Variants in CATSPERE observed in about 807,000 individuals in gnomAD.
CATSPERE encodes catsper channel auxiliary subunit epsilon, also known as cation channel sperm-associated auxiliary subunit epsilon.
In CATSPERE, 93 loss-of-function variants were observed where a neutral mutation model predicts 114.1. That is an observed-to-expected ratio of 0.81 (90% CI 0.69 to 0.97). The LOEUF is 0.97. CATSPERE is among the 50% of genes least tolerant of loss of function. CATSPERE has a pLI of 0.00. For missense variants in CATSPERE, 1,058 were observed against 1,131.6 expected, an observed-to-expected ratio of 0.93 and a Z score of 0.93; for synonymous variants, 341 against 384.1, an observed-to-expected ratio of 0.89 and a Z score of 1.31.
At chr1:244,453,035 G>A (rs1420931035), upstream of CATSPERE, among the ~76,000 whole-genome samples, 2 of 152,134 alleles carry the variant, frequency 1.3e-5, no homozygotes, top group Non-Finnish European at 2.9e-5. Flanking sequence ...TTTATTTCTA[G>A]TCAATGAGTT....
chr1:244,529,893 C>T (rs1679317194), intron 8 of CATSPERE, among the ~76,000 whole-genome samples: 1 of 151,994 alleles, frequency 6.6e-6, no homozygotes, highest in African/African-American at 2.4e-5. Context: ...TTGTATATGG[C>T]AAGAGATAGG....
At chr1:244,490,972 G>C (rs1044876485) in intron 6 of CATSPERE, among the ~76,000 whole-genome samples, 4 of 152,068 alleles carry the variant, frequency 2.6e-5, no homozygotes, top group Admixed American at 6.6e-5. Flanking sequence ...CAAAAGCCTT[G>C]TAGGATTCTT....
In CATSPERE at chr1:244,498,314, A is replaced by G. The variant is rs891430583; in HGVS notation, c.352-688A>G. Among the ~76,000 whole-genome samples the G allele has an allele frequency of 2.0e-5, 3 of 152,230 alleles. No individual in the cohort carries two copies. The South Asian group carries it at 6.2e-4, about 31-fold the overall frequency. On this transcript the variant is annotated intron_variant, in intron 6 of 21. Transcript: ENST00000366534. ...AAAATAATATATCTATTGGTTATAC[A>G]CAAACATTTTATAGGAATCTAAGCA...
At chr1:244,513,038 T>G (rs916926928) in intron 7 of CATSPERE, among the ~76,000 whole-genome samples, 1 of 152,208 alleles carries the variant, frequency 6.6e-6, no homozygotes, top group African/African-American at 2.4e-5. Context: ...GTAGCAGGTC[T>G]GGGTAGACCA....
intron 5 of CATSPERE, among the ~76,000 whole-genome samples, chr1:244,482,146 C>CT (rs1015083411): frequency 6.6e-6 from 1 of 152,152 alleles, no homozygotes; most frequent in Non-Finnish European, 1.5e-5. Context: ...AATTTTCAGT[C>CT]TGTCACCTGT....
intron 7 of CATSPERE, among the ~76,000 whole-genome samples, chr1:244,501,646 AGTAT>A (rs1241661089): frequency 3.9e-5 from 6 of 152,250 alleles, no homozygotes; most frequent in African/African-American, 7.2e-5. Flanking sequence ...AAACACTTTA[AGTAT>A]GATATTGACT....
Position 244,593,512 on chromosome 1 carries a change from T to C in CATSPERE, c.2237T>C (p.Ile746Thr), listed in dbSNP as rs1667992790. The change falls in exon 17 of 22, where the codon ATT (isoleucine) becomes ACT (threonine). Residue 746 changes from isoleucine (I) to threonine (T), a missense_variant. This residue lies in a region of CATSPERE where 787 missense variants were observed against 905.6 expected (regional missense o/e 0.87). Coordinates refer to ENST00000366534, the MANE Select transcript of CATSPERE (RefSeq NM_001130957.2). ...TTCCTTTTCTAGAGAGTAAGGTATA[T>C]TTGGGGAGAATATGGCTGCCCTCTG... ...QPSKNLRVRY[I>T]WGEYGCPLRL... 6.2e-7 allele frequency: 1 copy of C among 1,613,968 alleles called. No homozygotes were observed. Among genetic ancestry groups the C allele is most frequent in the African/African-American group, 1.3e-5 (1 of 74,930 alleles).
At chr1:244,533,603 A>T (rs1558445924) in intron 8 of CATSPERE, among the ~76,000 whole-genome samples, 1 of 152,244 alleles carries the variant, frequency 6.6e-6, no homozygotes, top group East Asian at 1.9e-4. Flanking sequence ...GACAACACTG[A>T]TTGCCTAAAC....
At chr1:244,457,911 G>A (rs957859794), upstream of CATSPERE, among the ~76,000 whole-genome samples, 2 of 152,100 alleles carry the variant, frequency 1.3e-5, no homozygotes, top group African/African-American at 4.8e-5. Flanking sequence ...CCAAAATTAT[G>A]TAAAACTGCT....
At chr1:244,617,440 A>G in intron 19 of CATSPERE, 89 bp from the exon 20 acceptor site, 1 of 1,055,276 alleles carries the variant, frequency 9.5e-7, no homozygotes, top group Non-Finnish European at 1.3e-6. Context: ...TTACATCTCT[A>G]AATAATTTTC....
At position 244,621,102 on chromosome 1, in the gene CATSPERE, AT is replaced by A. The variant is rs1301870683; in HGVS notation, c.2648+3417del. ...ATATATAAATATATATAAAATATAT[AT>A]AAATATATATATAATATATATATAA... is the stretch of plus-strand genomic sequence containing the variant. On this transcript the variant is annotated intron_variant, in intron 20 of 21. Coordinates refer to ENST00000366534, the MANE Select transcript of CATSPERE (RefSeq NM_001130957.2). 4.9e-3 allele frequency among the ~76,000 whole-genome samples: 326 copies of A among 66,826 alleles called. 7 individuals are homozygous for A. Among genetic ancestry groups the A allele is most frequent in the African/African-American group, 0.018 (304 of 16,984 alleles). The allele number at this position is 66,826 out of a possible 152,430, so 43.8% of individuals were successfully genotyped here.
chr1:244,565,374 G>C (rs1053822818), intron 10 of CATSPERE, among the ~76,000 whole-genome samples: 3 of 152,074 alleles, frequency 2.0e-5, no homozygotes, highest in Non-Finnish European at 4.4e-5. Context: ...AATCTGTCTG[G>C]TCCTTGGCTT....
intron 13 of CATSPERE, among the ~76,000 whole-genome samples, chr1:244,585,502 A>G (rs1666902339): frequency 6.6e-6 from 1 of 152,088 alleles, no homozygotes. Context: ...CAGGTCCTCT[A>G]CTCAGCCAAG....
rs1473960034 is a variant in CATSPERE at position 244,539,714 on chromosome 1, G to A, written c.537-12608G>A. The stretch of plus-strand genomic sequence containing the variant: ...GGTTTAGTCTTGGGAGAGTGTATGT[G>A]TCGAGGAATTTATCCATTTCTTCTA... On this transcript the variant is annotated intron_variant, in intron 8 of 21. Transcript: ENST00000366534. 3.0e-4 allele frequency among the ~76,000 whole-genome samples: 38 copies of A among 125,008 alleles called. 1 individual carries two copies. The highest frequency in any genetic ancestry group is 9.6e-4 in the African/African-American group (33 of 34,400). The allele number at this position is 125,008 out of a possible 152,430, so 82.0% of individuals were successfully genotyped here.
intron 20 of CATSPERE, among the ~76,000 whole-genome samples, chr1:244,623,736 C>T (rs1672701984): frequency 6.6e-6 from 1 of 152,168 alleles, no homozygotes; most frequent in Admixed American, 6.5e-5. Context: ...GCATACAAAA[C>T]TTATGTTTAC....
intron 10 of CATSPERE, among the ~76,000 whole-genome samples, chr1:244,565,076 C>T (rs929100599): frequency 6.6e-6 from 1 of 152,154 alleles, no homozygotes; most frequent in African/African-American, 2.4e-5. Flanking sequence ...ATTGAACCAG[C>T]CTTGCATCCC....
intron 8 of CATSPERE, among the ~76,000 whole-genome samples, chr1:244,542,060 T>G (rs1658874442): frequency 2.1e-5 from 3 of 141,064 alleles, no homozygotes; most frequent in Admixed American, 7.2e-5. Context: ...TAATGCTAGG[T>G]GATGAGTTAA....
rs748561517 is a variant in CATSPERE at position 244,497,048 on chromosome 1, G to T, written c.352-1954G>T. ...CTTACTTAATAAAAAGCAAAGATTG[G>T]AGTCATACCTTACATAGTACACCAA... On this transcript the variant is annotated intron_variant, in intron 6 of 21. Transcript: ENST00000366534. 9.2e-5 allele frequency among the ~76,000 whole-genome samples: 14 copies of T among 152,254 alleles called. 1 individual carries two copies. The highest frequency in any genetic ancestry group is 3.4e-3 in the Middle Eastern group (1 of 294).
At chr1:244,492,008 C>T (rs574886180) in intron 6 of CATSPERE, among the ~76,000 whole-genome samples, 2 of 152,204 alleles carry the variant, frequency 1.3e-5, no homozygotes, top group Non-Finnish European at 2.9e-5. Flanking sequence ...CCAATTCTAC[C>T]TGAGGTACAA....
Sources: gnomAD v4.1 joint callset for allele counts (sites outside exome capture counted in the v4.1 genomes callset) on GRCh38, gnomAD v4.1.1 for gene constraint, gnomAD v4.1.1 regional missense constraint, MANE v1.5 for transcripts, NCBI Gene and HGNC (gene_info 2026-07-23, HGNC 2026-07-21) for gene names.